Variants in RBM22 observed in about 807,000 individuals in gnomAD.
The protein encoded by RBM22 is RNA binding motif protein 22, also known as pre-mRNA-splicing factor RBM22.
A neutral mutation model predicts 50.1 loss-of-function variants in RBM22; 1 was observed. The observed-to-expected ratio is 0.02, with a 90% CI of 0.01 to 0.09. The LOEUF is 0.09. Among genes scored for constraint, RBM22 ranks in the 10% least tolerant of loss-of-function variants. The pLI is 1.00. For synonymous variants in RBM22, 152 were observed against 179.0 expected (o/e 0.85, Z 1.20); for missense variants, 264 against 529.3 (o/e 0.50, Z 4.92).
intron 10 of RBM22, 136 bp from the exon 11 acceptor site, chr5:150,692,017 C>T (rs1759215832): frequency 2.0e-6 from 2 of 998,516 alleles, no homozygotes; most frequent in South Asian, 3.5e-5. Flanking sequence ...TGTCAGTTCA[C>T]AAACTTACTT....
intron 7 of RBM22, 162 bp from the exon 8 acceptor site, chr5:150,694,402 G>A: frequency 8.8e-7 from 1 of 1,135,708 alleles, no homozygotes; most frequent in Non-Finnish European, 1.2e-6. Context: ...TTGTCCTACT[G>A]TGGGTGCTGC....
At chr5:150,699,149 TG>T in intron 3 of RBM22, 92 bp downstream of exon 3, 1 of 1,489,006 alleles carries the variant, frequency 6.7e-7, no homozygotes, top group Non-Finnish European at 9.0e-7. Context: ...TGATTTTTAC[TG>T]GAAGACCTCA....
chr5:150,694,489 AG>A, intron 7 of RBM22: 1 of 502,054 alleles, frequency 2.0e-6, no homozygotes, highest in Non-Finnish European at 3.2e-6. Flanking sequence ...CATGGAGGAA[AG>A]GGGGTTCTAA....
In RBM22 at chr5:150,694,135, A is replaced by T. The variant is rs1321470556; in HGVS notation, c.852T>A (p.Ala284=). The change falls in exon 8 of 11, where the codon GCT becomes GCA. Residue 284 remains alanine, a synonymous_variant. Transcript: ENST00000199814. ...FATRQAAEVA[A]EKSFNKLIVN... is the part of the protein sequence containing the mutation. ...CAATCAACTTATTAAAGGACTTCTC[A>T]GCAGCCACTTCTGCAGCCTGCCGTG... 6.2e-7 allele frequency: 1 copy of T among 1,614,222 alleles called. No individual in the cohort carries two copies. The highest frequency in any genetic ancestry group is 8.5e-7 in the Non-Finnish European group (1 of 1,180,040).
chr5:150,700,636 T>G, intron 1 of RBM22, 139 bp from the exon 2 acceptor site: 1 of 1,537,338 alleles, frequency 6.5e-7, no homozygotes, highest in Admixed American at 2.0e-5. Flanking sequence ...CACGACCCGA[T>G]CGCGGGAGGG....
At position 150,698,985 on chromosome 5, in the gene RBM22, GAC is replaced by G. The variant is rs1019736229; in HGVS notation, c.138+255_138+256del. ...CCTCCTCAGCTAAAATGCTCGAGTG[GAC>G]AGTCATACACCACCTGGTGTACAAA... On this transcript the variant is annotated intron_variant, in intron 3 of 10. Transcript: ENST00000199814. 1.2e-4 allele frequency among the ~76,000 whole-genome samples: 18 copies of G among 152,080 alleles called. 1 individual carries two copies. Among genetic ancestry groups the G allele is most frequent in the Admixed American group, 5.2e-4 (8 of 15,266 alleles).
chr5:150,700,731 T>A (rs1393443512), intron 1 of RBM22: 1 of 1,536,954 alleles, frequency 6.5e-7, no homozygotes, highest in Non-Finnish European at 8.7e-7. Flanking sequence ...GAAAGGGTGC[T>A]GGTCCCGGGA....
intron 1 of RBM22, 130 bp from the exon 2 acceptor site, chr5:150,700,627 A>G: frequency 1.3e-6 from 2 of 1,545,008 alleles, no homozygotes; most frequent in Non-Finnish European, 1.7e-6. Flanking sequence ...GAAGTCCATC[A>G]CGACCCGATC....
At chr5:150,700,822 C>T in intron 1 of RBM22, 110 bp downstream of exon 1, 1 of 1,606,180 alleles carries the variant, frequency 6.2e-7, no homozygotes, top group Non-Finnish European at 8.5e-7. Flanking sequence ...GGCCGCCGCG[C>T]TGGCTCCTCC....
In RBM22 at chr5:150,692,886, G is replaced by A. The variant is rs201551597; in HGVS notation, c.1132+9C>T. 522 of 1,589,372 alleles carry A rather than the reference G, an allele frequency of 3.3e-4. 1 individual carries two copies. The highest frequency in any genetic ancestry group is 3.0e-3 in the Middle Eastern group (18 of 5,914). On this transcript the variant is annotated intron_variant, in intron 10 of 10. Transcript: ENST00000199814. The stretch of plus-strand genomic sequence containing the variant: ...ATTTCTCTGGGCTAAGAAGGAAGAT[G>A]GAAGTTACCTGGGGGTGGGGGTGGA...
chr5:150,691,975 A>G, intron 10 of RBM22, 94 bp from the exon 11 acceptor site: 1 of 1,291,780 alleles, frequency 7.7e-7, no homozygotes, highest in East Asian at 2.8e-5. Context: ...CCACCTACAC[A>G]TAAATCAAGG....
At position 150,696,521 on chromosome 5, in the gene RBM22, G is replaced by A. The variant is rs1414696522; in HGVS notation, c.545+12C>T. 1 of 1,602,838 alleles carries A rather than the reference G, an allele frequency of 6.2e-7. No homozygotes were observed. Among genetic ancestry groups the A allele is most frequent in the South Asian group, 1.1e-5 (1 of 90,112 alleles). ...TCTGAAAGCAAATACTGAAAATGAGGCTCGCTCTTGCCTGTATGGACATTC... is the reference window on the plus strand; with the variant it reads ...TCTGAAAGCAAATACTGAAAATGAGACTCGCTCTTGCCTGTATGGACATTC... On this transcript the variant is annotated intron_variant, in intron 6 of 10. Transcript: ENST00000199814. The surrounding 1 kb of genome is among the most constrained non-coding windows in gnomAD (Gnocchi z 4.3).
intron 8 of RBM22, 136 bp from the exon 9 acceptor site, chr5:150,693,443 CTG>C (rs946263436): frequency 1.5e-6 from 1 of 686,600 alleles, no homozygotes; most frequent in African/African-American, 1.8e-5. Flanking sequence ...ATAAATGCCA[CTG>C]TGCACAGTGA....
chr5:150,692,532 G>A (rs1006302783), intron 10 of RBM22, among the ~76,000 whole-genome samples: 7 of 152,078 alleles, frequency 4.6e-5, no homozygotes, highest in African/African-American at 1.7e-4. Context: ...CTGATCTTGT[G>A]GCAGACAGGT....
In RBM22 at chr5:150,695,563, G is replaced by C; in HGVS notation, c.689C>G (p.Thr230Ser). 6.2e-7 allele frequency: 1 copy of C among 1,614,084 alleles called. No homozygotes were observed. Among genetic ancestry groups the C allele is most frequent in the African/African-American group, 1.3e-5 (1 of 75,024 alleles). ...MPRLDPPEDKTITTLYVGGLG... is the reference protein window; with the variant it reads ...MPRLDPPEDKSITTLYVGGLG... ...ACCACCAACATATAGTGTGGTGATA[G>C]TTTTATCCTCTGGTGGGTCCAGCCG... Residue 230 changes from threonine to serine, a missense_variant, in exon 7 of 11, where the codon ACT becomes AGT. Thr to Ser is a moderately conservative substitution (Grantham distance 58). This residue lies in a region of RBM22 where 62 missense variants were observed against 102.6 expected (regional missense o/e 0.60). Coordinates refer to ENST00000199814, the MANE Select transcript of RBM22 (RefSeq NM_018047.3).
Position 150,696,863 on chromosome 5 carries a change from T to A in RBM22, c.300A>T (p.Gly100=), listed in dbSNP as rs1322169843. 6.2e-7 allele frequency: 1 copy of A among 1,614,138 alleles called. No homozygotes were observed. Among genetic ancestry groups the A allele is most frequent in the South Asian group, 1.1e-5 (1 of 91,078 alleles). ...TTGGCATGTCATCTTTAAAAGACAA[T>A]CCTGCGTCACGAACCTGGATGGGCA... ...YGLPIQVRDA[G]LSFKDDMPKS... is the part of the protein sequence containing the mutation. The change falls in exon 5 of 11, where the codon GGA becomes GGT. Residue 100 remains glycine (G), a synonymous_variant. Coordinates refer to ENST00000199814, the MANE Select transcript of RBM22 (RefSeq NM_018047.3). The surrounding 1 kb of genome is among the most constrained non-coding windows in gnomAD (Gnocchi z 4.3).
At chr5:150,700,756 C>T in intron 1 of RBM22, 176 bp downstream of exon 1, 1 of 1,544,444 alleles carries the variant, frequency 6.5e-7, no homozygotes, top group Non-Finnish European at 8.7e-7. Flanking sequence ...GGCTAAGCCC[C>T]CTCCCTTCAA....
intron 10 of RBM22, 61 bp downstream of exon 10, chr5:150,692,834 G>GC: frequency 6.7e-7 from 1 of 1,486,760 alleles, no homozygotes; most frequent in Admixed American, 2.1e-5. Flanking sequence ...ATGATGGTGA[G>GC]GTTTATGAGA....
chr5:150,699,193 G>C, intron 3 of RBM22, 49 bp downstream of exon 3: 1 of 1,559,376 alleles, frequency 6.4e-7, no homozygotes, highest in Non-Finnish European at 8.6e-7. Flanking sequence ...ATTTGGTAGA[G>C]AAAAGAAAAA....
Sources: gnomAD v4.1 joint callset for allele counts (sites outside exome capture counted in the v4.1 genomes callset) on GRCh38, gnomAD v4.1.1 for gene constraint, gnomAD v4.1.1 regional missense constraint, Gnocchi (gnomAD v3.1) non-coding constraint, MANE v1.5 for transcripts, NCBI Gene and HGNC (gene_info 2026-07-23, HGNC 2026-07-21) for gene names.